Variants in C6orf89 observed in about 807,000 individuals in gnomAD.
The protein encoded by C6orf89 is chromosome 6 open reading frame 89.
C6orf89 carries 29 observed loss-of-function variants against 40.7 expected under a neutral mutation model. The ratio of observed to expected loss-of-function variants is 0.71; its 90% CI spans 0.53 to 0.97. The LOEUF is 0.97. Ranked by LOEUF, C6orf89 falls within the 50% of genes least tolerant of loss-of-function variation. The pLI is 0.00. For synonymous variants in C6orf89, 165 were observed against 152.2 expected, an observed-to-expected ratio of 1.08 and a Z score of -0.62; for missense variants, 392 against 429.1, an observed-to-expected ratio of 0.91 and a Z score of 0.76.
rs869143962 is a variant in C6orf89 at position 36,886,011 on chromosome 6, G to GA, written c.-137_-136insA. On this transcript the variant is annotated 5_prime_UTR_variant, in exon 1 of 9. Transcript: ENST00000480824. ...TGTCCCCGAGGCGGGAGGAGCCCGA[G>GA]GGGCGCGAGCCCCGCATGTGAGTGA... 8.4e-5 allele frequency: 93 copies of GA among 1,105,828 alleles called. No homozygotes were observed. The highest frequency in any genetic ancestry group is 9.9e-5 in the Non-Finnish European group (92 of 930,666). 68.5% of individuals were successfully genotyped at this position (1,105,828 alleles called of 1,614,324 possible).
At position 36,926,760 on chromosome 6, in the gene C6orf89, T is replaced by C. The variant is rs1762694921; in HGVS notation, c.*3319T>C. On this transcript the variant is annotated 3_prime_UTR_variant, in exon 9 of 9. Coordinates refer to ENST00000480824, the MANE Select transcript of C6orf89 (RefSeq NM_001286635.2). ...CTGTAAAGTAGGTGTTAGATCCCCA[T>C]TTTGCAAGTAAATAAGTGGAGGCTT... The C allele has an allele frequency of 6.6e-6, 1 of 152,216 alleles. No homozygotes were observed. Among genetic ancestry groups the C allele is most frequent in the African/African-American group, 2.4e-5 (1 of 41,448 alleles). The allele number at this position is 152,216 out of a possible 1,614,324, so 9.4% of individuals were successfully genotyped here. A position where few individuals can be genotyped will look rare whatever the true frequency, so the allele number is the denominator to read the frequency against.
chr6:36,916,517 AG>A lies in C6orf89; in HGVS notation c.769del (p.Asp257MetfsTer4), dbSNP rs778581694. 6.2e-7 allele frequency: 1 copy of A among 1,614,226 alleles called. No homozygotes were observed. Among genetic ancestry groups the A allele is most frequent in the Non-Finnish European group, 8.5e-7 (1 of 1,180,032 alleles). On this transcript the variant is annotated frameshift_variant, in exon 7 of 9. Coordinates refer to ENST00000480824, the MANE Select transcript of C6orf89 (RefSeq NM_001286635.2). LOFTEE classifies it high-confidence loss of function. ...TTTTCACTCACCTGCCATTTCCAAA[AG>A]ATGCCTCTTTAAACAAGTGCTCCTT... ...PVFTHLPFPK[D>X]ASLNKCSFLH...
At chr6:36,893,285 A>G (rs1450598292) in intron 1 of C6orf89, among the ~76,000 whole-genome samples, 4 of 151,648 alleles carry the variant, frequency 2.6e-5, no homozygotes, top group African/African-American at 4.8e-5. Context: ...TTTAATTACC[A>G]TCGTATCCAA....
At chr6:36,883,512 G>T (rs1774880179), upstream of C6orf89, among the ~76,000 whole-genome samples, 1 of 152,128 alleles carries the variant, frequency 6.6e-6, no homozygotes, top group South Asian at 2.1e-4. Flanking sequence ...TTAAAAGTGG[G>T]TCTATTATAT....
chr6:36,909,173 T>G (rs867543186), intron 4 of C6orf89, among the ~76,000 whole-genome samples: 3 of 144,932 alleles, frequency 2.1e-5, no homozygotes, highest in Non-Finnish European at 3.0e-5. Context: ...TTTCTAGGGT[T>G]GTTGTGGGTT....
intron 1 of C6orf89, among the ~76,000 whole-genome samples, chr6:36,888,004 T>G (rs1230156718): frequency 6.6e-6 from 1 of 152,214 alleles, no homozygotes; most frequent in African/African-American, 2.4e-5. Flanking sequence ...ATTACAGGCA[T>G]GAACCACCAT....
chr6:36,873,098 T>C (rs920527671), intron 1 of C6orf89, among the ~76,000 whole-genome samples: 7 of 152,256 alleles, frequency 4.6e-5, no homozygotes, highest in African/African-American at 1.7e-4. Flanking sequence ...TGTGGTACTC[T>C]TTCCCTCATG....
chr6:36,873,669 T>G (rs544858638), intron 1 of C6orf89, among the ~76,000 whole-genome samples: 130 of 152,262 alleles, frequency 8.5e-4, no homozygotes, highest in African/African-American at 3.1e-3. Flanking sequence ...AGATGTAGAA[T>G]TTTGCCATAT....
At chr6:36,895,091 T>C (rs1447118099) in intron 2 of C6orf89, among the ~76,000 whole-genome samples, 1 of 152,194 alleles carries the variant, frequency 6.6e-6, no homozygotes, top group Non-Finnish European at 1.5e-5. Flanking sequence ...AATCATGCCT[T>C]GCTTCTTCCC....
At chr6:36,875,262 TCTA>T (rs972280575) in intron 1 of C6orf89, among the ~76,000 whole-genome samples, 1 of 152,222 alleles carries the variant, frequency 6.6e-6, no homozygotes, top group African/African-American at 2.4e-5. Flanking sequence ...TCTTATCTCA[TCTA>T]CTCCACAAAA....
chr6:36,902,015 G>T (rs1761739920), intron 3 of C6orf89, among the ~76,000 whole-genome samples: 1 of 152,186 alleles, frequency 6.6e-6, no homozygotes, highest in African/African-American at 2.4e-5. Flanking sequence ...TGATTATATG[G>T]TAGCAGCTTG....
chr6:36,908,862 C>T (rs1762019872), intron 4 of C6orf89, among the ~76,000 whole-genome samples: 1 of 152,200 alleles, frequency 6.6e-6, no homozygotes, highest in African/African-American at 2.4e-5. Flanking sequence ...CTTGGCATTC[C>T]TTGGCTGTGT....
At chr6:36,893,288 G>A (rs1050466055) in intron 1 of C6orf89, among the ~76,000 whole-genome samples, 1 of 150,768 alleles carries the variant, frequency 6.6e-6, no homozygotes, top group East Asian at 1.9e-4. Flanking sequence ...AATTACCATC[G>A]TATCCAACCA....
At chr6:36,881,910 G>C (rs903923203), upstream of C6orf89, among the ~76,000 whole-genome samples, 1 of 152,064 alleles carries the variant, frequency 6.6e-6, no homozygotes, top group African/African-American at 2.4e-5. Flanking sequence ...AAACTGAATA[G>C]ATTTCTAAAA....
intron 4 of C6orf89, among the ~76,000 whole-genome samples, chr6:36,907,761 G>A (rs1190617792): frequency 3.9e-5 from 6 of 152,146 alleles, no homozygotes; most frequent in African/African-American, 7.2e-5. Flanking sequence ...TATAATTTAC[G>A]CTGACTTTTC....
At chr6:36,889,853 G>A (rs1002198242) in intron 1 of C6orf89, among the ~76,000 whole-genome samples, 8 of 152,328 alleles carry the variant, frequency 5.3e-5, no homozygotes, top group East Asian at 1.9e-4. Flanking sequence ...GGAGATGCAT[G>A]TTGAAATATT....
chr6:36,888,479 CA>C (rs370879129), intron 1 of C6orf89, among the ~76,000 whole-genome samples: 16 of 152,172 alleles, frequency 1.1e-4, no homozygotes, highest in Admixed American at 5.2e-4. Context: ...CAGAAAAATA[CA>C]AAAATTAGCT....
intron 4 of C6orf89, among the ~76,000 whole-genome samples, chr6:36,908,516 C>T (rs1561869776): frequency 1.3e-5 from 2 of 152,160 alleles, no homozygotes; most frequent in Non-Finnish European, 2.9e-5. Flanking sequence ...TCTACTCAAG[C>T]AACTGCTAAT....
intron 4 of C6orf89, among the ~76,000 whole-genome samples, chr6:36,908,096 C>T (rs987779116): frequency 3.9e-5 from 6 of 152,184 alleles, no homozygotes; most frequent in Non-Finnish European, 7.3e-5. Context: ...ACCGTTTGCC[C>T]GTTCCTCTCT....
Sources: gnomAD v4.1 joint callset for allele counts (sites outside exome capture counted in the v4.1 genomes callset) on GRCh38, gnomAD v4.1.1 for gene constraint, MANE v1.5 for transcripts, NCBI Gene and HGNC (gene_info 2026-07-23, HGNC 2026-07-21) for gene names.